Variants in MDM1 observed in about 807,000 individuals in gnomAD.
The protein encoded by MDM1 is Mdm1 nuclear protein.
In MDM1, 61 loss-of-function variants were observed where a neutral mutation model predicts 89.1. That is an observed-to-expected ratio of 0.68 (90% CI 0.56 to 0.85). The LOEUF is 0.85. Ranked by LOEUF, MDM1 falls within the 40% of genes least tolerant of loss-of-function variation. MDM1 has a pLI of 0.00. For synonymous variants in MDM1, 290 were observed against 294.1 expected (o/e 0.99, Z 0.14); for missense variants, 820 against 846.5 (o/e 0.97, Z 0.39).
chr12:68,302,140 C>T (rs1241694628), intron 13 of MDM1, among the ~76,000 whole-genome samples: 3 of 152,116 alleles, frequency 2.0e-5, no homozygotes, highest in African/African-American at 7.2e-5. Flanking sequence ...AAGAGAAGAT[C>T]CCAAAAGCTG....
In MDM1 at chr12:68,316,160, T is replaced by C; in HGVS notation, c.1129A>G (p.Ser377Gly). The change falls in exon 9 of 15, where the codon AGC becomes GGC. Residue 377 changes from serine (S) to glycine (G), a missense_variant. Physicochemically the swap from Ser to Gly is moderately conservative, Grantham distance 56. Transcript: ENST00000682720. ...RDHLNQILSD[S>G]NCCWDVSSTT... The stretch of plus-strand genomic sequence containing the variant: ...GAGGAGACATCCCAACAGCAGTTGC[T>C]ATCAGATAAAATCTGATTCAGATGG... 6.2e-7 allele frequency: 1 copy of C among 1,614,148 alleles called. No individual in the cohort carries two copies.
intron 12 of MDM1, among the ~76,000 whole-genome samples, chr12:68,311,189 T>C (rs1236063369): frequency 6.6e-6 from 1 of 152,212 alleles, no homozygotes; most frequent in African/African-American, 2.4e-5. Flanking sequence ...CAACTCTATC[T>C]GATAAAAGTA....
chr12:68,323,010 G>A lies in MDM1; in HGVS notation c.801+63C>T, dbSNP rs1316369616. On this transcript the variant is annotated intron_variant, in intron 5 of 14. Coordinates refer to ENST00000682720, the MANE Select transcript of MDM1 (RefSeq NM_001354969.2). Reference sequence around the variant, plus strand: ...AACTCCCAGGTGGTAGTAAGTAAACGAAAACGTGGAGAATCTAAAATAACG... The same window carrying A: ...AACTCCCAGGTGGTAGTAAGTAAACAAAAACGTGGAGAATCTAAAATAACG... 79 of 1,513,126 alleles carry A rather than the reference G, an allele frequency of 5.2e-5. No homozygotes were observed. In the South Asian group the frequency reaches 6.2e-4, roughly 12 times the overall value. The allele number at this position is 1,513,126 out of a possible 1,614,324, so 93.7% of individuals were successfully genotyped here. A position where few individuals can be genotyped will look rare whatever the true frequency, so the allele number is the denominator to read the frequency against.
At chr12:68,297,009 T>A in intron 13 of MDM1, 27 bp from the exon 14 acceptor site, 1 of 1,558,562 alleles carries the variant, frequency 6.4e-7, no homozygotes, top group Non-Finnish European at 8.7e-7. Context: ...CAGAATAAAT[T>A]ATCCTTCAAA....
intron 4 of MDM1, 85 bp downstream of exon 4, chr12:68,325,356 T>A: frequency 7.2e-7 from 1 of 1,385,406 alleles, no homozygotes; most frequent in Non-Finnish European, 9.4e-7. Context: ...AAGTACTTAA[T>A]TTCTTTCAAC....
At chr12:68,313,009 A>T (rs1873906528) in intron 12 of MDM1, among the ~76,000 whole-genome samples, 1 of 152,110 alleles carries the variant, frequency 6.6e-6, no homozygotes, top group Admixed American at 6.5e-5. Context: ...TCTCCTTAGC[A>T]CTAATCAGTA....
At chr12:68,306,435 G>C (rs1452381887) in intron 12 of MDM1, among the ~76,000 whole-genome samples, 1 of 152,002 alleles carries the variant, frequency 6.6e-6, no homozygotes, top group African/African-American at 2.4e-5. Flanking sequence ...CACAGCAAAA[G>C]AAACTATCAA....
chr12:68,321,440 C>T lies in MDM1; in HGVS notation c.912G>A (p.Val304=). The change falls in exon 7 of 15, where the codon GTG becomes GTA. Residue 304 remains valine, a synonymous_variant. Transcript: ENST00000682720. The stretch of plus-strand genomic sequence containing the variant: ...GAAATTTTGCTCTATATTCGGAATT[C>T]ACCTTCCTAATAGAAATGAAATGAA... ...TPWKHQRLGK[V]NSEYRAKFLS... is the part of the protein sequence containing the mutation. 6.2e-7 allele frequency: 1 copy of T among 1,613,208 alleles called. No homozygotes were observed.
At chr12:68,310,780 C>T (rs1387979728) in intron 12 of MDM1, among the ~76,000 whole-genome samples, 2 of 152,200 alleles carry the variant, frequency 1.3e-5, no homozygotes, top group African/African-American at 4.8e-5. Context: ...CTGAAAACTC[C>T]TACTTTGTAC....
rs777318266 is a variant in MDM1 at position 68,316,040 on chromosome 12, C to T, written c.1211+38G>A. The T allele has an allele frequency of 1.9e-6, 3 of 1,563,286 alleles. No individual in the cohort carries two copies. The Admixed American group carries it at 5.6e-5, about 29-fold the overall frequency. On this transcript the variant is annotated intron_variant, in intron 9 of 14. Transcript: ENST00000682720. Reference sequence around the variant, plus strand: ...ATCATTCTATGATCTACATAAGCTTCAACAAACTTTTTTTGCCATCCACAA... The same window carrying T: ...ATCATTCTATGATCTACATAAGCTTTAACAAACTTTTTTTGCCATCCACAA...
At chr12:68,309,496 A>G (rs1445562640) in intron 12 of MDM1, among the ~76,000 whole-genome samples, 1 of 152,184 alleles carries the variant, frequency 6.6e-6, no homozygotes, top group Non-Finnish European at 1.5e-5. Flanking sequence ...CTCCCTTACC[A>G]GACTGCAGGT....
intron 13 of MDM1, 121 bp from the exon 14 acceptor site, chr12:68,297,103 C>A (rs1871504958): frequency 1.9e-6 from 1 of 513,252 alleles, no homozygotes; most frequent in Admixed American, 4.0e-5. Context: ...ATCAAACCTA[C>A]ATGTGAGTAA....
Position 68,322,370 on chromosome 12 carries a change from C to A in MDM1, c.801+703G>T, listed in dbSNP as rs1200224800. Among the ~76,000 whole-genome samples the A allele has an allele frequency of 2.0e-5, 3 of 152,298 alleles. No homozygotes were observed. The South Asian group carries it at 6.2e-4, about 32-fold the overall frequency. ...TGTGATGGCCGGGTGTGGTGGCTCA[C>A]ACCTGTAATCCCAGCACTTCAGGAG... is the stretch of plus-strand genomic sequence containing the variant. On this transcript the variant is annotated intron_variant, in intron 5 of 14. Coordinates refer to ENST00000682720, the MANE Select transcript of MDM1 (RefSeq NM_001354969.2).
intron 13 of MDM1, among the ~76,000 whole-genome samples, chr12:68,301,511 T>A (rs1314137657): frequency 1.3e-5 from 2 of 152,040 alleles, no homozygotes; most frequent in Non-Finnish European, 2.9e-5. Flanking sequence ...ACTGCTTGGG[T>A]AACAGGTGCA....
At chr12:68,310,025 C>T (rs979197742) in intron 12 of MDM1, among the ~76,000 whole-genome samples, 2 of 152,184 alleles carry the variant, frequency 1.3e-5, no homozygotes, top group Admixed American at 1.3e-4. Flanking sequence ...GGCTGGAGTG[C>T]AGTGGCGTGA....
intron 3 of MDM1, chr12:68,326,119 CA>C: frequency 2.0e-6 from 2 of 1,009,574 alleles, no homozygotes; most frequent in Non-Finnish European, 2.4e-6. Context: ...TTGAGATCCC[CA>C]CACAAGTTCC....
chr12:68,316,494 A>AGG, intron 8 of MDM1, 87 bp downstream of exon 8: 1 of 1,163,480 alleles, frequency 8.6e-7, no homozygotes. Flanking sequence ...AGCAGCTAAG[A>AGG]AAAATATTGA....
Position 68,296,975 on chromosome 12 carries a change from T to G in MDM1, c.2010A>C (p.Lys670Asn). 1 of 1,593,170 alleles carries G rather than the reference T, an allele frequency of 6.3e-7. No homozygotes were observed. Among genetic ancestry groups the G allele is most frequent in the East Asian group, 2.3e-5 (1 of 44,292 alleles). The change falls in exon 14 of 15, where the codon AAA (lysine) becomes AAC (asparagine). Residue 670 changes from lysine to asparagine, a missense_variant. Physicochemically the swap from Lys to Asn is moderately conservative, Grantham distance 94 (BLOSUM62 0). Coordinates refer to ENST00000682720, the MANE Select transcript of MDM1 (RefSeq NM_001354969.2). ...RDPEFQHNVG[K>N]ARMNNLQLPQ... ...GTAACTGCAAATTGTTCATCCTTGC[T>G]TTTCCCACTTAAAAAAAAAAAGGCA...
chr12:68,304,762 G>C (rs771973099), intron 12 of MDM1, among the ~76,000 whole-genome samples: 13 of 152,136 alleles, frequency 8.5e-5, no homozygotes, highest in Non-Finnish European at 1.3e-4. Flanking sequence ...AAGGCCAATA[G>C]GCCTCACTGC....
Sources: allele counts gnomAD v4.1 joint callset (sites outside exome capture counted in the v4.1 genomes callset), GRCh38; gene constraint gnomAD v4.1.1; transcripts MANE v1.5; gene names NCBI Gene and HGNC (gene_info 2026-07-23, HGNC 2026-07-21).